The following DCLRE1A variants were observed in gnomAD, a reference collection of about 807,000 sequenced individuals.
DCLRE1A encodes the protein DNA cross-link repair 1A.
In DCLRE1A, 64 loss-of-function variants were observed where a neutral mutation model predicts 91.9. The observed-to-expected ratio is 0.70, with a 90% confidence interval of 0.57 to 0.86. DCLRE1A has a LOEUF of 0.86. Among genes scored for constraint, DCLRE1A ranks in the 40% least tolerant of loss-of-function variants. The pLI is 0.00. For synonymous variants in DCLRE1A, 416 were observed against 431.1 expected (o/e 0.96, Z 0.43); for missense variants, 1,145 against 1,213.3 (o/e 0.94, Z 0.84).
At position 113,836,995 on chromosome 10, in the gene DCLRE1A, T is replaced by A. The variant is rs1845371272; in HGVS notation, c.2962+67A>T. 34 of 1,383,390 alleles carry A rather than the reference T, an allele frequency of 2.5e-5. No individual in the cohort carries two copies. In the South Asian group the frequency reaches 5.0e-4, roughly 20 times the overall value. 85.7% of individuals were successfully genotyped at this position (1,383,390 alleles called of 1,614,324 possible). ...CTGTTTTTGTTGGATTTGAACCTTA[T>A]TACATTTTTTAAAATGTAATTATAA... On this transcript the variant is annotated intron_variant, in intron 8 of 8. Transcript: ENST00000361384.
At chr10:113,837,971 T>C (rs990416779) in intron 7 of DCLRE1A, among the ~76,000 whole-genome samples, 15 of 152,142 alleles carry the variant, frequency 9.9e-5, no homozygotes, top group Non-Finnish European at 1.0e-4. Context: ...CTAAAATCCA[T>C]AGTTTCAAAG....
In DCLRE1A at chr10:113,849,453, G is replaced by T. The variant is rs768440076; in HGVS notation, c.1652C>A (p.Thr551Asn). The change falls in exon 2 of 9, where the codon ACC becomes AAC. Residue 551 changes from threonine to asparagine, a missense_variant. Transcript: ENST00000361384. ...TATATCCATTTGCTTCATTACCTTGGTAGAAGGATGTCTTGCATTATACTT... is the reference window on the plus strand; with the variant it reads ...TATATCCATTTGCTTCATTACCTTGTTAGAAGGATGTCTTGCATTATACTT... ...GLKYNARHPS[T>N]KVMKQMDIGV... The T allele has an allele frequency of 3.1e-6, 5 of 1,613,936 alleles. No individual in the cohort carries two copies. The African/African-American group carries it at 6.7e-5, about 22-fold the overall frequency.
intron 1 of DCLRE1A, among the ~76,000 whole-genome samples, chr10:113,852,059 G>A (rs528715245): frequency 7.2e-5 from 11 of 152,324 alleles, no homozygotes; most frequent in East Asian, 3.9e-4. Context: ...AACTGGGGCC[G>A]GGCGCGGTGG....
chr10:113,838,797 A>G (rs973755369), intron 7 of DCLRE1A, among the ~76,000 whole-genome samples: 4 of 152,238 alleles, frequency 2.6e-5, no homozygotes, highest in Non-Finnish European at 5.9e-5. Context: ...ATCAGGTGAT[A>G]GTCAACTACG....
At chr10:113,842,193 C>T in intron 6 of DCLRE1A, 150 bp downstream of exon 6, 2 of 618,500 alleles carry the variant, frequency 3.2e-6, no homozygotes, top group Non-Finnish European at 5.0e-6. Context: ...ATGTTTCAAA[C>T]TGTCAAATTT....
intron 7 of DCLRE1A, among the ~76,000 whole-genome samples, chr10:113,838,163 C>T (rs1430247456): frequency 1.3e-5 from 2 of 152,142 alleles, no homozygotes; most frequent in Non-Finnish European, 2.9e-5. Flanking sequence ...TGATATGTAA[C>T]TAAATTTCCA....
rs1845602957 is a variant in DCLRE1A, at chr10:113,849,490, G to A, written c.1615C>T (p.Pro539Ser). The change falls in exon 2 of 9, where the codon CCT becomes TCT. Residue 539 changes from proline to serine, a missense_variant. Physicochemically the swap from Pro to Ser is moderately conservative, Grantham distance 74. Coordinates refer to ENST00000361384, the MANE Select transcript of DCLRE1A (RefSeq NM_014881.5). ...CTTGCATTATACTTAAGACCAGAAG[G>A]CAATATTTTCAAATACTTCGGAGCA... ...TPAPKYLKIL[P>S]SGLKYNARHP... 3.7e-6 allele frequency: 6 copies of A among 1,613,956 alleles called. No individual in the cohort carries two copies. Among genetic ancestry groups the A allele is most frequent in the Non-Finnish European group, 5.1e-6 (6 of 1,180,002 alleles).
chr10:113,851,368 TAATAA>T (rs1845647112), intron 1 of DCLRE1A, among the ~76,000 whole-genome samples: 1 of 152,202 alleles, frequency 6.6e-6, no homozygotes, highest in Non-Finnish European at 1.5e-5. Flanking sequence ...TACAGGTTAA[TAATAA>T]AATGTATTCT....
Position 113,847,285 on chromosome 10 carries a change from T to G in DCLRE1A, c.2176A>C (p.Thr726Pro), listed in dbSNP as rs1845554927. 1 of 1,614,072 alleles carries G rather than the reference T, an allele frequency of 6.2e-7. No individual in the cohort carries two copies. Among genetic ancestry groups the G allele is most frequent in the Non-Finnish European group, 8.5e-7 (1 of 1,179,976 alleles). The change falls in exon 3 of 9, where the codon ACA becomes CCA. Residue 726 changes from threonine to proline, a missense_variant. Coordinates refer to ENST00000361384, the MANE Select transcript of DCLRE1A (RefSeq NM_014881.5). ...TGAAAATGTGTGAGAAAATAGGCTG[T>G]GCAACCTTCAACCACGCCATACTGA... ...AFQYGVVEGCTAYFLTHFHSD... is the reference protein window; with the variant it reads ...AFQYGVVEGCPAYFLTHFHSD...
rs773477212 is a variant in DCLRE1A at position 113,850,481 on chromosome 10, G to A, written c.624C>T (p.Ser208=). Residue 208 remains serine (S), a synonymous_variant, in exon 2 of 9, where the codon AGC becomes AGT. Coordinates refer to ENST00000361384, the MANE Select transcript of DCLRE1A (RefSeq NM_014881.5). ...FSETKSGVLC[S]LEERWSSYQN... ...GATACGAAGACCATCTTTCCTCAAG[G>A]CTACAAAGGACGCCTGACTTAGTCT... 7 of 1,614,134 alleles carry A rather than the reference G, an allele frequency of 4.3e-6. No homozygotes were observed. In the South Asian group the frequency reaches 7.7e-5, roughly 18 times the overall value.
rs775335140 is a variant in DCLRE1A at position 113,850,597 on chromosome 10, T to G, written c.508A>C (p.Lys170Gln). ...LCTSTIPFHY[K>Q]RYTHFLLAQS... ...GCTAGCAGGAAGTGAGTGTATCTCT[T>G]GTAATGAAAAGGAATGGTTGAGGTA... Residue 170 changes from lysine to glutamine, a missense_variant, in exon 2 of 9, where the codon AAG (lysine) becomes CAG (glutamine). Transcript: ENST00000361384. 1.2e-6 allele frequency: 2 copies of G among 1,613,448 alleles called. No individual in the cohort carries two copies. Among genetic ancestry groups the G allele is most frequent in the African/African-American group, 2.7e-5 (2 of 74,888 alleles).
chr10:113,853,578 T>A lies in DCLRE1A; in HGVS notation c.-396A>T, dbSNP rs1377363781. On this transcript the variant is annotated 5_prime_UTR_variant, in exon 1 of 9. Coordinates refer to ENST00000361384, the MANE Select transcript of DCLRE1A (RefSeq NM_014881.5). ...CAGCTTAATCTTAGAACGAGATTTG[T>A]AACATTGTTATGAAGCTACTGTCAG... 1 of 161,376 alleles carries A rather than the reference T, an allele frequency of 6.2e-6. No individual in the cohort carries two copies. The highest frequency in any genetic ancestry group is 6.3e-5 in the Admixed American group (1 of 15,968). 10.0% of individuals were successfully genotyped at this position (161,376 alleles called of 1,614,324 possible). A position where few individuals can be genotyped will look rare whatever the true frequency, so the allele number is the denominator to read the frequency against.
chr10:113,849,482 A>G lies in DCLRE1A; in HGVS notation c.1623T>C (p.Gly541=), dbSNP rs1845602849. 2 of 1,613,942 alleles carry G rather than the reference A, an allele frequency of 1.2e-6. No individual in the cohort carries two copies. Among genetic ancestry groups the G allele is most frequent in the African/African-American group, 1.3e-5 (1 of 74,924 alleles). ...AAGGATGTCTTGCATTATACTTAAG[A>G]CCAGAAGGCAATATTTTCAAATACT... ...APKYLKILPS[G]LKYNARHPST... The change falls in exon 2 of 9, where the codon GGT becomes GGC. Residue 541 remains glycine, a synonymous_variant. Coordinates refer to ENST00000361384, the MANE Select transcript of DCLRE1A (RefSeq NM_014881.5).
At chr10:113,839,659 A>T (rs1367558742) in intron 7 of DCLRE1A, among the ~76,000 whole-genome samples, 3 of 152,208 alleles carry the variant, frequency 2.0e-5, no homozygotes, top group Non-Finnish European at 4.4e-5. Context: ...AGTGTGGAGG[A>T]CAAGAAGATA....
At chr10:113,848,765 G>C (rs1461934889) in intron 2 of DCLRE1A, among the ~76,000 whole-genome samples, 2 of 152,014 alleles carry the variant, frequency 1.3e-5, no homozygotes, top group Admixed American at 1.3e-4. Flanking sequence ...TACATAGAGG[G>C]CATGTTTAAT....
rs141907465 is a variant in DCLRE1A, at chr10:113,849,210, T to A, written c.1895A>T (p.Gln632Leu). ...CTTTCTACATCTCTTTTTTTGACGC[T>A]GTGACCTCTCACTAGAAAGTTCCAC... ...LSVELSSERS[Q>L]RQKKRCRKSN... Residue 632 changes from glutamine to leucine, a missense_variant, in exon 2 of 9, where the codon CAG (glutamine) becomes CTG (leucine). Transcript: ENST00000361384. 4 of 1,613,978 alleles carry A rather than the reference T, an allele frequency of 2.5e-6. No homozygotes were observed. In the African/African-American group the frequency reaches 5.3e-5, roughly 22 times the overall value.
In DCLRE1A at chr10:113,849,650, T is replaced by A; in HGVS notation, c.1455A>T (p.Thr485=). Reference sequence around the variant, plus strand: ...AGTTCTCACTTGATAATTTTCTAATTGTATTTTGGGTTGGTTGGGAAGAAA... The same window carrying A: ...AGTTCTCACTTGATAATTTTCTAATAGTATTTTGGGTTGGTTGGGAAGAAA... The part of the protein sequence containing the change: ...GYLSSQPTQN[T]IRKLSSENLN... The change falls in exon 2 of 9, where the codon ACA becomes ACT. Residue 485 remains threonine (T), a synonymous_variant. Transcript: ENST00000361384. 1.2e-6 allele frequency: 2 copies of A among 1,614,208 alleles called. No individual in the cohort carries two copies. Among genetic ancestry groups the A allele is most frequent in the Non-Finnish European group, 8.5e-7 (1 of 1,180,040 alleles).
At chr10:113,844,753 T>C (rs1243195298) in intron 4 of DCLRE1A, among the ~76,000 whole-genome samples, 1 of 151,974 alleles carries the variant, frequency 6.6e-6, no homozygotes, top group East Asian at 1.9e-4. Flanking sequence ...CTGGCCAACA[T>C]AGCAAAATCC....
chr10:113,852,611 C>A, intron 1 of DCLRE1A, 112 bp downstream of exon 1: 1 of 1,035,256 alleles, frequency 9.7e-7, no homozygotes, highest in East Asian at 2.6e-5. Flanking sequence ...CCCAGTGTCT[C>A]ATCTCTCTTT....
Sources: gnomAD v4.1 joint callset for allele counts (sites outside exome capture counted in the v4.1 genomes callset) on GRCh38, gnomAD v4.1.1 for gene constraint, MANE v1.5 for transcripts, NCBI Gene and HGNC (gene_info 2026-07-23, HGNC 2026-07-21) for gene names.